Variants in GRHL2 observed in about 807,000 individuals in gnomAD.
GRHL2 encodes the protein grainyhead like transcription factor 2.
Under a neutral mutation model 83.8 loss-of-function variants are expected in GRHL2, and 21 were observed. That is an observed-to-expected ratio of 0.25 (90% CI 0.18 to 0.36). The LOEUF is 0.36. Among genes scored for constraint, GRHL2 ranks in the 10% least tolerant of loss-of-function variants. GRHL2 has a pLI of 1.00. For synonymous variants in GRHL2, 280 were observed against 278.9 expected, an observed-to-expected ratio of 1.00 and a Z score of -0.04; for missense variants, 623 against 781.8, an observed-to-expected ratio of 0.80 and a Z score of 2.42.
At chr8:101,572,711 A>G (rs1281853352) in intron 5 of GRHL2, among the ~76,000 whole-genome samples, 1 of 152,270 alleles carries the variant, frequency 6.6e-6, no homozygotes, top group Non-Finnish European at 1.5e-5. Flanking sequence ...GTTAAACAAA[A>G]AATGATTGTG....
chr8:101,579,111 T>C (rs1811990513), intron 7 of GRHL2, among the ~76,000 whole-genome samples: 1 of 152,172 alleles, frequency 6.6e-6, no homozygotes, highest in South Asian at 2.1e-4. Context: ...CAAGACCTGG[T>C]GACTAGGACG....
chr8:101,646,653 A>G (rs967687526), intron 13 of GRHL2, among the ~76,000 whole-genome samples: 17 of 152,232 alleles, frequency 1.1e-4, no homozygotes, highest in African/African-American at 3.9e-4. Flanking sequence ...AATGAACATA[A>G]TTATTACCAA....
rs115545321 is a variant in GRHL2, at chr8:101,562,183, G to A, written c.678+3371G>A. 4,283 of 613,052 alleles carry A rather than the reference G, an allele frequency of 7.0e-3. 158 individuals carry two copies. The highest frequency in any genetic ancestry group is 0.069 in the African/African-American group (3,817 of 55,158). The allele number at this position is 613,052 out of a possible 1,614,324, so 38.0% of individuals were successfully genotyped here. On this transcript the variant is annotated intron_variant, in intron 4 of 15. Coordinates refer to ENST00000646743, the MANE Select transcript of GRHL2 (RefSeq NM_024915.4). ...CTGTTCATTATAAATTTAGCTTGGC[G>A]TTTCTGTTTGATTTCTTCAACTCTC...
chr8:101,645,603 G>A (rs532050248), intron 13 of GRHL2, among the ~76,000 whole-genome samples: 6 of 152,114 alleles, frequency 3.9e-5, no homozygotes, highest in South Asian at 2.1e-4. Flanking sequence ...TCTGCTCCTC[G>A]GCGTCCTCAT....
At position 101,570,455 on chromosome 8, in the gene GRHL2, T is replaced by C. The variant is rs1036093100; in HGVS notation, c.734+61T>C. Reference sequence around the variant, plus strand: ...TAACTGATAAACCTTTAAATGTACCTTCGAGTTATACCTTTAAACCTTTTT... The same window carrying C: ...TAACTGATAAACCTTTAAATGTACCCTCGAGTTATACCTTTAAACCTTTTT... On this transcript the variant is annotated intron_variant, in intron 5 of 15. Transcript: ENST00000646743. 2.2e-5 allele frequency: 29 copies of C among 1,315,948 alleles called. No individual in the cohort carries two copies. The East Asian group carries it at 6.0e-4, about 27-fold the overall frequency. 81.5% of individuals were successfully genotyped at this position (1,315,948 alleles called of 1,614,324 possible).
At chr8:101,560,701 T>C (rs1378801274) in intron 4 of GRHL2, among the ~76,000 whole-genome samples, 1 of 152,256 alleles carries the variant, frequency 6.6e-6, no homozygotes, top group African/African-American at 2.4e-5. Flanking sequence ...TTTTAGTGGA[T>C]ATGTGATGGT....
chr8:101,656,191 G>A (rs1246621400), intron 14 of GRHL2, among the ~76,000 whole-genome samples: 1 of 152,206 alleles, frequency 6.6e-6, no homozygotes, highest in Non-Finnish European at 1.5e-5. Context: ...AAGTTCATGA[G>A]ATCAGGGGCT....
intron 1 of GRHL2, among the ~76,000 whole-genome samples, chr8:101,493,607 G>T (rs1429793201): frequency 2.0e-5 from 3 of 152,154 alleles, no homozygotes; most frequent in African/African-American, 7.2e-5. Flanking sequence ...GCCCCCGACG[G>T]CGTCTGCACG....
At chr8:101,655,922 C>A (rs1370450562) in intron 14 of GRHL2, among the ~76,000 whole-genome samples, 1 of 152,162 alleles carries the variant, frequency 6.6e-6, no homozygotes, top group Non-Finnish European at 1.5e-5. Flanking sequence ...TCTGGCTAAT[C>A]CCCAAGGCCA....
At chr8:101,587,870 T>C (rs1201525153) in intron 7 of GRHL2, among the ~76,000 whole-genome samples, 1 of 152,192 alleles carries the variant, frequency 6.6e-6, no homozygotes, top group African/African-American at 2.4e-5. Flanking sequence ...TGGCCTTCAA[T>C]AGAAACAAAT....
At chr8:101,575,843 GGTAGT>G (rs371062476) in intron 6 of GRHL2, among the ~76,000 whole-genome samples, 23 of 152,356 alleles carry the variant, frequency 1.5e-4, no homozygotes, top group Non-Finnish European at 3.1e-4. Context: ...TGGCTGAGCT[GGTAGT>G]TGCACCAGCA....
At chr8:101,678,740 C>T in the GRHL2 span, among the ~76,000 whole-genome samples, 352 of 151,250 alleles carry the variant, frequency 2.3e-3, 1 homozygote, top group African/African-American at 7.1e-3. Context: ...GATCTGAGAA[C>T]GGGCAGACTG....
intron 1 of GRHL2, among the ~76,000 whole-genome samples, chr8:101,498,727 G>T (rs1810159923): frequency 6.6e-6 from 1 of 152,134 alleles, no homozygotes; most frequent in South Asian, 2.1e-4. Context: ...TCAATGAAAA[G>T]CTATGTCTAG....
chr8:101,674,446 T>C (rs1216363169), downstream of GRHL2, among the ~76,000 whole-genome samples: 1 of 151,952 alleles, frequency 6.6e-6, no homozygotes, highest in African/African-American at 2.4e-5. Flanking sequence ...GCAAATAAAC[T>C]AGAAAATCTA....
At chr8:101,672,526 C>G (rs1814227478), downstream of GRHL2, among the ~76,000 whole-genome samples, 1 of 151,656 alleles carries the variant, frequency 6.6e-6, no homozygotes, top group Non-Finnish European at 1.5e-5. Context: ...AAGAAACAAA[C>G]AAAGCCTCCA....
At chr8:101,577,085 T>G (rs1013021567) in intron 6 of GRHL2, among the ~76,000 whole-genome samples, 5 of 151,644 alleles carry the variant, frequency 3.3e-5, no homozygotes, top group Non-Finnish European at 7.4e-5. Context: ...AAAAAAAATT[T>G]GGGGGGGGTT....
At chr8:101,560,099 C>T (rs909665984) in intron 4 of GRHL2, among the ~76,000 whole-genome samples, 12 of 152,072 alleles carry the variant, frequency 7.9e-5, no homozygotes, top group South Asian at 4.2e-4. Context: ...TCTGCCTCCC[C>T]GGTTCAAGCG....
intron 1 of GRHL2, among the ~76,000 whole-genome samples, chr8:101,526,525 C>CTTTTTTTTTTTTTTTTTTTTTTT (rs33928032): frequency 9.1e-6 from 1 of 109,658 alleles, no homozygotes; most frequent in African/African-American, 3.7e-5. Flanking sequence ...TCTTTTTTTC[C>CTTTTTTTTTTTTTTTTTTTTTTT]TTTTTTTTTT....
chr8:101,567,601 G>A (rs572946680), intron 4 of GRHL2, among the ~76,000 whole-genome samples: 166 of 152,174 alleles, frequency 1.1e-3, no homozygotes, highest in Non-Finnish European at 2.2e-3. Context: ...TAATATCTAT[G>A]TTTGTAACAT....
Sources: gnomAD v4.1 joint callset for allele counts (sites outside exome capture counted in the v4.1 genomes callset) on GRCh38, gnomAD v4.1.1 for gene constraint, MANE v1.5 for transcripts, NCBI Gene and HGNC (gene_info 2026-07-23, HGNC 2026-07-21) for gene names.